MTUS2: variants seen among roughly 807,000 people sequenced by gnomAD.
MTUS2 encodes microtubule associated scaffold protein 2.
MTUS2 carries 40 observed loss-of-function variants against 114.1 expected under a neutral mutation model. The observed-to-expected ratio is 0.35, with a 90% CI of 0.27 to 0.46. The LOEUF (loss-of-function observed/expected upper bound fraction) is 0.46, where lower values mean the gene tolerates loss of function less well. MTUS2 is among the 20% of genes least tolerant of loss of function. The pLI, the probability that MTUS2 is intolerant of heterozygous loss-of-function variation, is 1.00. For missense variants in MTUS2, 1,679 were observed against 1,705.4 expected (o/e 0.98, Z 0.27); for synonymous variants, 688 against 672.0 (o/e 1.02, Z -0.37).
At chr13:29,425,203 A>C (rs1332439244) in intron 8 of MTUS2, among the ~76,000 whole-genome samples, 4 of 152,060 alleles carry the variant, frequency 2.6e-5, no homozygotes, top group Non-Finnish European at 5.9e-5. Flanking sequence ...CACTTGAGGT[A>C]AGGAGTTTGA....
chr13:29,456,723 A>G (rs184164488), intron 9 of MTUS2, among the ~76,000 whole-genome samples: 22 of 151,810 alleles, frequency 1.4e-4, no homozygotes, highest in Non-Finnish European at 1.5e-5. Context: ...AAGTGATGAA[A>G]GAAAGAAAAA....
chr13:29,491,944 T>G (rs1460259584), intron 11 of MTUS2, among the ~76,000 whole-genome samples: 2 of 146,914 alleles, frequency 1.4e-5, no homozygotes, highest in Non-Finnish European at 1.5e-5. Flanking sequence ...GGTGTGTGTG[T>G]GGCATGTAGT....
In MTUS2 at chr13:29,059,466, AG is replaced by A. The variant is rs532957415; in HGVS notation, c.2446+25342del. 3.2e-4 allele frequency among the ~76,000 whole-genome samples: 48 copies of A among 152,176 alleles called. No homozygotes were observed. The East Asian group carries it at 8.1e-3, about 26-fold the overall frequency. On this transcript the variant is annotated intron_variant, in intron 4 of 15. Transcript: ENST00000612955. ...CAAATCAGCCCTAATCTACTCTCTG[AG>A]TGCTTCCTGGTAGAATGTAAGGTTG...
intron 5 of MTUS2, among the ~76,000 whole-genome samples, chr13:29,158,358 C>CT (rs372666382): frequency 0.034 from 1,096 of 32,048 alleles, 75 homozygotes; most frequent in African/African-American, 0.12. Flanking sequence ...GTCCACCCCG[C>CT]TTTTTTTTTT....
intron 6 of MTUS2, among the ~76,000 whole-genome samples, chr13:29,291,252 GT>G (rs1017611928): frequency 2.6e-5 from 4 of 152,124 alleles, no homozygotes; most frequent in African/African-American, 9.7e-5. Context: ...TGTTAACCCT[GT>G]GGTCTCCTCC....
chr13:29,115,290 G>C (rs1402498743), intron 5 of MTUS2, among the ~76,000 whole-genome samples: 1 of 152,218 alleles, frequency 6.6e-6, no homozygotes, highest in Admixed American at 6.5e-5. Flanking sequence ...ATATATGCAG[G>C]TCGTACATTT....
At chr13:28,831,626 A>T (rs1293088995) in intron 1 of MTUS2, among the ~76,000 whole-genome samples, 1 of 152,232 alleles carries the variant, frequency 6.6e-6, no homozygotes, top group Non-Finnish European at 1.5e-5. Flanking sequence ...TTAACAATAG[A>T]TCCCCTAAAT....
At chr13:29,149,533 A>G (rs1892582462) in intron 5 of MTUS2, among the ~76,000 whole-genome samples, 2 of 152,028 alleles carry the variant, frequency 1.3e-5, no homozygotes, top group African/African-American at 4.8e-5. Context: ...ATTAGTTCCC[A>G]TTTGTCAATT....
chr13:29,246,451 C>T (rs189203457), intron 5 of MTUS2, among the ~76,000 whole-genome samples: 222 of 152,270 alleles, frequency 1.5e-3, no homozygotes, highest in African/African-American at 4.6e-3. Context: ...ACCAGAGAGC[C>T]GGCTGAGCCA....
chr13:29,423,507 A>G (rs1399124468), intron 8 of MTUS2, among the ~76,000 whole-genome samples: 1 of 152,254 alleles, frequency 6.6e-6, no homozygotes, highest in Non-Finnish European at 1.5e-5. Context: ...AGGGACCAAA[A>G]AGAAGGGCTG....
intron 4 of MTUS2, among the ~76,000 whole-genome samples, chr13:29,083,166 C>G (rs761618605): frequency 2.0e-5 from 3 of 152,142 alleles, no homozygotes; most frequent in Non-Finnish European, 4.4e-5. Flanking sequence ...AGGTAATTTT[C>G]AGGAATTTAG....
At chr13:28,877,041 C>T (rs1365686087) in intron 2 of MTUS2, among the ~76,000 whole-genome samples, 1 of 151,206 alleles carries the variant, frequency 6.6e-6, no homozygotes, top group African/African-American at 2.4e-5. Flanking sequence ...TCCTGTAATC[C>T]CAGGATTTTG....
intron 2 of MTUS2, among the ~76,000 whole-genome samples, chr13:28,921,657 A>G (rs1266730784): frequency 6.6e-6 from 1 of 152,084 alleles, no homozygotes; most frequent in African/African-American, 2.4e-5. Flanking sequence ...TGGACCTTAG[A>G]GCATTTTGGC....
intron 14 of MTUS2, among the ~76,000 whole-genome samples, chr13:29,499,850 C>T (rs1882772793): frequency 6.6e-6 from 1 of 152,248 alleles, no homozygotes; most frequent in Non-Finnish European, 1.5e-5. Context: ...TGCACGGGTG[C>T]AGTTAATGGG....
At chr13:28,900,296 C>G (rs1009464208) in intron 2 of MTUS2, among the ~76,000 whole-genome samples, 27 of 151,324 alleles carry the variant, frequency 1.8e-4, no homozygotes, top group African/African-American at 5.8e-4. Flanking sequence ...TTACCTGTAG[C>G]TGTGTGTGTG....
intron 2 of MTUS2, among the ~76,000 whole-genome samples, chr13:28,868,866 G>T (rs73454640): frequency 0.066 from 10,020 of 152,176 alleles, 1,077 homozygotes; most frequent in African/African-American, 0.23. Context: ...AAAAGTTCAT[G>T]TCAGACTAGA....
intron 2 of MTUS2, among the ~76,000 whole-genome samples, chr13:28,996,676 T>C (rs564128991): frequency 6.6e-6 from 1 of 152,350 alleles, no homozygotes; most frequent in East Asian, 1.9e-4. Context: ...ATTTTCTAGT[T>C]TATTTGCATA....
chr13:29,431,716 TA>T (rs1254283496), intron 8 of MTUS2, among the ~76,000 whole-genome samples: 2 of 152,220 alleles, frequency 1.3e-5, no homozygotes, highest in African/African-American at 4.8e-5. Flanking sequence ...AAAGGTCTTT[TA>T]GCCTCATTTT....
At chr13:29,485,232 C>T (rs1566230412) in intron 10 of MTUS2, 1 of 152,636 alleles carries the variant, frequency 6.6e-6, no homozygotes, top group Non-Finnish European at 1.5e-5. Flanking sequence ...TTTAAATCTC[C>T]TCCAATTCCT....
Sources: allele counts gnomAD v4.1 joint callset (sites outside exome capture counted in the v4.1 genomes callset), GRCh38; gene constraint gnomAD v4.1.1; transcripts MANE v1.5; gene names NCBI Gene and HGNC (gene_info 2026-07-23, HGNC 2026-07-21).